Variants in FAM171A1 observed in about 807,000 individuals in gnomAD.
FAM171A1 encodes family with sequence similarity 171 member A1.
FAM171A1 carries 23 observed loss-of-function variants against 74.9 expected under a neutral mutation model. The observed-to-expected ratio is 0.31, with a 90% CI of 0.22 to 0.44. FAM171A1 has a LOEUF of 0.44. Ranked by LOEUF, FAM171A1 falls within the 20% of genes least tolerant of loss-of-function variation. FAM171A1 has a pLI of 1.00. For synonymous variants in FAM171A1, 527 were observed against 505.7 expected (o/e 1.04, Z -0.57); for missense variants, 1,162 against 1,159.2 (o/e 1.00, Z -0.03).
intron 3 of FAM171A1, among the ~76,000 whole-genome samples, chr10:15,260,213 A>C (rs1165922036): frequency 2.0e-5 from 3 of 151,996 alleles, no homozygotes; most frequent in African/African-American, 7.3e-5. Flanking sequence ...GTCAAAAGCC[A>C]CCTCTTCTAT....
chr10:15,256,618 A>G (rs1834583797), intron 3 of FAM171A1, among the ~76,000 whole-genome samples: 1 of 152,164 alleles, frequency 6.6e-6, no homozygotes, highest in Non-Finnish European at 1.5e-5. Flanking sequence ...TCCCTAAAAC[A>G]AACCCACAGC....
At chr10:15,268,657 C>T (rs931932992) in intron 3 of FAM171A1, among the ~76,000 whole-genome samples, 1 of 151,994 alleles carries the variant, frequency 6.6e-6, no homozygotes, top group African/African-American at 2.4e-5. Context: ...GCATTGGAAG[C>T]CAGAGGCCTA....
chr10:15,337,438 A>C (rs1835714049), intron 1 of FAM171A1, among the ~76,000 whole-genome samples: 1 of 152,178 alleles, frequency 6.6e-6, no homozygotes, highest in Admixed American at 6.5e-5. Flanking sequence ...CAAAACCAGC[A>C]CTTTAATAAG....
upstream of FAM171A1, among the ~76,000 whole-genome samples, chr10:15,371,435 C>T (rs140005031): frequency 0.016 from 2,354 of 149,966 alleles, 59 homozygotes; most frequent in African/African-American, 0.055. Flanking sequence ...GGCGACACTG[C>T]CCCGGCGCGC....
At chr10:15,322,462 C>T (rs145959804) in intron 1 of FAM171A1, among the ~76,000 whole-genome samples, 73 of 152,318 alleles carry the variant, frequency 4.8e-4, no homozygotes, top group African/African-American at 1.6e-3. Flanking sequence ...GTTAGCATTT[C>T]CCTCACCTGA....
chr10:15,215,568 G>A (rs781348528), intron 7 of FAM171A1, among the ~76,000 whole-genome samples: 35 of 152,190 alleles, frequency 2.3e-4, no homozygotes, highest in Non-Finnish European at 2.2e-4. Context: ...GTTTCACCAC[G>A]TTGGCTAGGC....
intron 1 of FAM171A1, among the ~76,000 whole-genome samples, chr10:15,290,618 A>C (rs1250091364): frequency 6.6e-6 from 1 of 152,138 alleles, no homozygotes; most frequent in Non-Finnish European, 1.5e-5. Context: ...ATACATACTG[A>C]AGTGTCATTC....
chr10:15,357,562 T>G (rs57908882), intron 1 of FAM171A1, among the ~76,000 whole-genome samples: 28,549 of 152,196 alleles, frequency 0.19, 2,813 homozygotes, highest in Admixed American at 0.23. Flanking sequence ...TGTGTATGCC[T>G]AGGTTAGCAC....
Position 15,370,967 on chromosome 10 carries a change from G to A in FAM171A1, c.86C>T (p.Ala29Val). ...CGCCGCCCACTGACCTTGGGCTCCG[G>A]CGCCGGGCTCCCGCAGCGTCTTGGT... ...AVTKTLREPG[A>V]GAQEVTLKVH... The change falls in exon 1 of 8, where the codon GCC becomes GTC. Residue 29 changes from alanine (A) to valine (V), a missense_variant. Physicochemically the swap from Ala to Val is moderately conservative, Grantham distance 64. Coordinates refer to ENST00000378116, the MANE Select transcript of FAM171A1 (RefSeq NM_001010924.2). 8.5e-7 allele frequency: 1 copy of A among 1,176,890 alleles called. No individual in the cohort carries two copies. Among genetic ancestry groups the A allele is most frequent in the Non-Finnish European group, 1.1e-6 (1 of 931,016 alleles). The allele number at this position is 1,176,890 out of a possible 1,614,324, so 72.9% of individuals were successfully genotyped here. A position where few individuals can be genotyped will look rare whatever the true frequency, so the allele number is the denominator to read the frequency against.
intron 1 of FAM171A1, among the ~76,000 whole-genome samples, chr10:15,344,747 T>C (rs1835800643): frequency 6.6e-6 from 1 of 152,226 alleles, no homozygotes. Flanking sequence ...TGTCTAGCTA[T>C]GTTGTCCTGT....
chr10:15,331,788 T>A (rs1299963777), intron 1 of FAM171A1, among the ~76,000 whole-genome samples: 3 of 147,644 alleles, frequency 2.0e-5, no homozygotes, highest in East Asian at 2.0e-4. Context: ...TATGTATAGA[T>A]GTGTGTGTGT....
chr10:15,361,057 A>T (rs1835987689), intron 1 of FAM171A1, among the ~76,000 whole-genome samples: 1 of 152,126 alleles, frequency 6.6e-6, no homozygotes, highest in African/African-American at 2.4e-5. Flanking sequence ...TCTTACCTTT[A>T]TAAGAAACTA....
chr10:15,261,605 G>C (rs926547188), intron 3 of FAM171A1, among the ~76,000 whole-genome samples: 1 of 152,256 alleles, frequency 6.6e-6, no homozygotes, highest in African/African-American at 2.4e-5. Context: ...TAAACTTCAA[G>C]AGAGAGAGTG....
chr10:15,342,390 C>T (rs1057191886), intron 1 of FAM171A1, among the ~76,000 whole-genome samples: 1 of 152,064 alleles, frequency 6.6e-6, no homozygotes, highest in Non-Finnish European at 1.5e-5. Flanking sequence ...GCCAATATGG[C>T]GAAACCCTGT....
chr10:15,360,814 C>T (rs898434661), intron 1 of FAM171A1, among the ~76,000 whole-genome samples: 6 of 152,220 alleles, frequency 3.9e-5, no homozygotes, highest in Admixed American at 2.0e-4. Context: ...CTAGAAACCA[C>T]GCCTTCATCA....
chr10:15,286,416 G>C (rs1158872271), intron 1 of FAM171A1, among the ~76,000 whole-genome samples: 1 of 152,064 alleles, frequency 6.6e-6, no homozygotes, highest in Non-Finnish European at 1.5e-5. Flanking sequence ...GAGTAGCTGG[G>C]ATTACAGGTG....
chr10:15,281,389 T>G, intron 2 of FAM171A1, among the ~76,000 whole-genome samples: 1 of 152,232 alleles, frequency 6.6e-6, no homozygotes, highest in East Asian at 1.9e-4. Context: ...GGAAGATTTT[T>G]AGAAATTATT....
intron 1 of FAM171A1, among the ~76,000 whole-genome samples, chr10:15,369,147 C>T (rs550816747): frequency 4.6e-4 from 70 of 151,420 alleles, no homozygotes; most frequent in African/African-American, 1.5e-3. Context: ...TCCTGAGAGG[C>T]GGATTTTTAG....
intron 1 of FAM171A1, 24 bp downstream of exon 1, chr10:15,370,932 C>T: frequency 1.8e-6 from 2 of 1,120,462 alleles, no homozygotes; most frequent in African/African-American, 1.7e-5. Context: ...CACAAAGCCC[C>T]CGGCCCCGCC....
Sources: gnomAD v4.1 joint callset for allele counts (sites outside exome capture counted in the v4.1 genomes callset) on GRCh38, gnomAD v4.1.1 for gene constraint, MANE v1.5 for transcripts, NCBI Gene and HGNC (gene_info 2026-07-23, HGNC 2026-07-21) for gene names.